The following ARHGEF28 variants were observed in gnomAD, a reference collection of about 807,000 sequenced individuals.
ARHGEF28 encodes the protein Rho guanine nucleotide exchange factor 28.
ARHGEF28 carries 152 observed loss-of-function variants against 206.6 expected under a neutral mutation model. The ratio of observed to expected loss-of-function variants is 0.74; its 90% CI spans 0.64 to 0.84. The LOEUF is 0.84. Among genes scored for constraint, ARHGEF28 ranks in the 40% least tolerant of loss-of-function variants. ARHGEF28 has a pLI of 0.00. For missense variants in ARHGEF28, 2,028 were observed against 2,073.2 expected (o/e 0.98, Z 0.42); for synonymous variants, 763 against 776.4 (o/e 0.98, Z 0.29).
intron 35 of ARHGEF28, among the ~76,000 whole-genome samples, chr5:73,938,219 C>T (rs1032888558): frequency 2.0e-5 from 3 of 149,612 alleles, no homozygotes; most frequent in Non-Finnish European, 3.0e-5. Flanking sequence ...TCCCCATCCC[C>T]GTTCATTCTT....
chr5:73,813,638 C>T (rs1755987073), intron 9 of ARHGEF28: 2 of 1,535,800 alleles, frequency 1.3e-6, no homozygotes, highest in East Asian at 2.4e-5. Context: ...CCTTCCTTTC[C>T]CAAAATGAAG....
intron 9 of ARHGEF28, among the ~76,000 whole-genome samples, chr5:73,817,336 C>CATATTTAG (rs1756285637): frequency 6.6e-6 from 1 of 152,224 alleles, no homozygotes; most frequent in South Asian, 2.1e-4. Flanking sequence ...TAGATAGCAC[C>CATATTTAG]ATATTTTCTC....
At chr5:73,817,421 A>C (rs187399317) in intron 9 of ARHGEF28, among the ~76,000 whole-genome samples, 7 of 152,326 alleles carry the variant, frequency 4.6e-5, no homozygotes, top group African/African-American at 7.2e-5. Flanking sequence ...GCTATAGTAC[A>C]TGCTTTACAT....
intron 22 of ARHGEF28, among the ~76,000 whole-genome samples, chr5:73,880,311 T>C (rs2112660837): frequency 6.6e-6 from 1 of 152,236 alleles, no homozygotes; most frequent in East Asian, 1.9e-4. Flanking sequence ...AGTGACCCAA[T>C]TTTCCAGGTG....
chr5:73,805,563 T>C (rs1163975898), intron 9 of ARHGEF28, among the ~76,000 whole-genome samples: 2 of 152,210 alleles, frequency 1.3e-5, no homozygotes, highest in African/African-American at 2.4e-5. Flanking sequence ...AATACCACTC[T>C]ACATGTATTG....
intron 26 of ARHGEF28, among the ~76,000 whole-genome samples, chr5:73,890,180 G>A (rs1180595679): frequency 5.9e-5 from 9 of 152,104 alleles, no homozygotes. Flanking sequence ...CATGCCCCCT[G>A]GTCTGATGGT....
rs760552420 is a variant in ARHGEF28, at chr5:73,870,215, C to T, written c.2566+6C>T. The T allele has an allele frequency of 2.6e-5, 42 of 1,612,134 alleles. No individual in the cohort carries two copies. Among genetic ancestry groups the T allele is most frequent in the South Asian group, 3.3e-5 (3 of 90,848 alleles). On this transcript the variant is annotated splice_donor_region_variant and intron_variant, in intron 21 of 35. Coordinates refer to ENST00000513042, the MANE Select transcript of ARHGEF28 (RefSeq NM_001177693.2). Reference sequence around the variant, plus strand: ...AAGACAGGATGTCATTTTTGGTAAGCGTTTCAAATATGCTCTTTGGGTTGA... The same window carrying T: ...AAGACAGGATGTCATTTTTGGTAAGTGTTTCAAATATGCTCTTTGGGTTGA...
intron 1 of ARHGEF28, among the ~76,000 whole-genome samples, chr5:73,648,913 CTG>C (rs1271539475): frequency 6.6e-6 from 1 of 152,200 alleles, no homozygotes; most frequent in Non-Finnish European, 1.5e-5. Flanking sequence ...TGGCCAACCT[CTG>C]GGGAGTAATC....
At chr5:73,666,880 C>T (rs529214456) in intron 1 of ARHGEF28, among the ~76,000 whole-genome samples, 1 of 152,302 alleles carries the variant, frequency 6.6e-6, no homozygotes, top group South Asian at 2.1e-4. Flanking sequence ...CACAGTTGAG[C>T]TTCATGTCCC....
At chr5:73,733,312 C>G (rs184328066) in intron 2 of ARHGEF28, among the ~76,000 whole-genome samples, 2 of 152,334 alleles carry the variant, frequency 1.3e-5, no homozygotes, top group Non-Finnish European at 2.9e-5. Context: ...TTACATTTGA[C>G]TGTCACTAAA....
intron 10 of ARHGEF28, among the ~76,000 whole-genome samples, chr5:73,839,039 T>G (rs553535064): frequency 6.6e-6 from 1 of 152,072 alleles, no homozygotes; most frequent in African/African-American, 2.4e-5. Flanking sequence ...TTGCTAAGAG[T>G]GTAGTGTCTT....
At chr5:73,870,416 A>G (rs1394224700) in intron 21 of ARHGEF28, among the ~76,000 whole-genome samples, 2 of 152,166 alleles carry the variant, frequency 1.3e-5, no homozygotes, top group African/African-American at 4.8e-5. Flanking sequence ...AAAAACCACA[A>G]TCGGTTTTGC....
chr5:73,684,474 C>T (rs947447912), intron 1 of ARHGEF28, among the ~76,000 whole-genome samples: 3 of 152,170 alleles, frequency 2.0e-5, no homozygotes, highest in East Asian at 1.9e-4. Flanking sequence ...TCCATCCATC[C>T]GTCAATGGAC....
At chr5:73,871,956 G>A (rs749797617) in intron 21 of ARHGEF28, among the ~76,000 whole-genome samples, 4 of 152,156 alleles carry the variant, frequency 2.6e-5, no homozygotes, top group Non-Finnish European at 5.9e-5. Flanking sequence ...TATGGATGAT[G>A]AATATCCTAT....
At chr5:73,757,539 G>A (rs112904342) in intron 4 of ARHGEF28, among the ~76,000 whole-genome samples, 9 of 152,244 alleles carry the variant, frequency 5.9e-5, no homozygotes, top group African/African-American at 2.2e-4. Context: ...ATCATTGAGA[G>A]TTATTAGGAA....
intron 9 of ARHGEF28, among the ~76,000 whole-genome samples, chr5:73,817,289 C>A (rs186540124): frequency 4.5e-4 from 68 of 152,312 alleles, no homozygotes; most frequent in South Asian, 2.7e-3. Context: ...CCAAAGAAGG[C>A]AATGCATACC....
rs1386042733 is a variant in ARHGEF28, at chr5:73,841,136, C to T, written c.1427+376C>T. 2.0e-5 allele frequency among the ~76,000 whole-genome samples: 3 copies of T among 152,222 alleles called. No individual in the cohort carries two copies. The South Asian group carries it at 6.2e-4, about 32-fold the overall frequency. On this transcript the variant is annotated intron_variant, in intron 11 of 35. Coordinates refer to ENST00000513042, the MANE Select transcript of ARHGEF28 (RefSeq NM_001177693.2). The stretch of plus-strand genomic sequence containing the variant: ...TCTTGTAAAGTCAAATATGCATTTT[C>T]CTCTCGTGTACTAGGAGACCTATAT...
At chr5:73,802,651 T>C (rs1360715403) in intron 9 of ARHGEF28, among the ~76,000 whole-genome samples, 1 of 152,088 alleles carries the variant, frequency 6.6e-6, no homozygotes, top group Admixed American at 6.6e-5. Flanking sequence ...CTTAAGAAAG[T>C]GACAACAAAT....
chr5:73,685,042 G>A (rs574187641), intron 2 of ARHGEF28, among the ~76,000 whole-genome samples, 158 bp downstream of exon 2: 166 of 152,276 alleles, frequency 1.1e-3, no homozygotes, highest in African/African-American at 3.9e-3. Context: ...TTTGCATGGA[G>A]CGTTTTAAAA....
Sources: gnomAD v4.1 joint callset for allele counts (sites outside exome capture counted in the v4.1 genomes callset) on GRCh38, gnomAD v4.1.1 for gene constraint, MANE v1.5 for transcripts, NCBI Gene and HGNC (gene_info 2026-07-23, HGNC 2026-07-21) for gene names.